Variants in HIPK2 observed in about 807,000 individuals in gnomAD.
HIPK2 encodes the protein homeodomain interacting protein kinase 2.
In HIPK2, 27 loss-of-function variants were observed where a neutral mutation model predicts 113.7. The observed-to-expected ratio is 0.24, with a 90% CI of 0.17 to 0.33. HIPK2 has a LOEUF of 0.33. Among genes scored for constraint, HIPK2 ranks in the 10% least tolerant of loss-of-function variants. The probability of loss-of-function intolerance (pLI) is 1.00; values close to 1 mark genes in which losing one functional copy is unlikely to be tolerated. For synonymous variants in HIPK2, 631 were observed against 642.2 expected (o/e 0.98, Z 0.26); for missense variants, 1,257 against 1,588.0 (o/e 0.79, Z 3.54).
chr7:139,715,088 T>C (rs1165984694), intron 2 of HIPK2, among the ~76,000 whole-genome samples: 1 of 152,176 alleles, frequency 6.6e-6, no homozygotes, highest in Non-Finnish European at 1.5e-5. Flanking sequence ...CAATCCTGAC[T>C]GCATACAGGG....
chr7:139,588,403 G>A (rs1213131037), intron 12 of HIPK2, among the ~76,000 whole-genome samples: 1 of 151,212 alleles, frequency 6.6e-6, no homozygotes, highest in African/African-American at 2.4e-5. Context: ...TGTAATCCTA[G>A]CTTCTTGGGA....
chr7:139,753,133 C>T (rs1385275519), intron 1 of HIPK2, among the ~76,000 whole-genome samples: 2 of 152,194 alleles, frequency 1.3e-5, no homozygotes, highest in Admixed American at 1.3e-4. Flanking sequence ...GGGCACAGGG[C>T]TTTGCACACA....
At chr7:139,656,161 C>T (rs1240723783) in intron 2 of HIPK2, among the ~76,000 whole-genome samples, 2 of 152,124 alleles carry the variant, frequency 1.3e-5, no homozygotes, top group African/African-American at 4.8e-5. Context: ...TGAACTCATT[C>T]ACTGCCAGGC....
intron 2 of HIPK2, among the ~76,000 whole-genome samples, chr7:139,659,181 T>C (rs1335061518): frequency 6.6e-6 from 1 of 152,202 alleles, no homozygotes; most frequent in Non-Finnish European, 1.5e-5. Flanking sequence ...TGCTTTTCTA[T>C]GCCGCTTGTG....
Position 139,587,397 on chromosome 7 carries a change from T to G in HIPK2, c.2718-3333A>C, listed in dbSNP as rs148872426. ...CCCAGCTACTCAGAGCCTGAGGCAGTAGAATCGCTTGAACCCAGGAGGTGG... is the reference window on the plus strand; with the variant it reads ...CCCAGCTACTCAGAGCCTGAGGCAGGAGAATCGCTTGAACCCAGGAGGTGG... On this transcript the variant is annotated intron_variant, in intron 12 of 14. Coordinates refer to ENST00000406875, the MANE Select transcript of HIPK2 (RefSeq NM_022740.5). Among the ~76,000 whole-genome samples the G allele has an allele frequency of 5.4e-3, 747 of 137,998 alleles. 7 individuals are homozygous for G. Among genetic ancestry groups the G allele is most frequent in the African/African-American group, 0.019 (700 of 36,252 alleles). The allele number at this position is 137,998 out of a possible 152,430, so 90.5% of individuals were successfully genotyped here.
chr7:139,601,864 AAAG>A (rs1470863884), intron 10 of HIPK2, among the ~76,000 whole-genome samples: 1 of 152,214 alleles, frequency 6.6e-6, no homozygotes, highest in Non-Finnish European at 1.5e-5. Context: ...GAACAGGAAA[AAAG>A]AAGTAGATGA....
At position 139,758,215 on chromosome 7, in the gene HIPK2, C is replaced by T. The variant is rs139415747; in HGVS notation, c.19+19390G>A. Among the ~76,000 whole-genome samples, 916 of 151,900 alleles carry T rather than the reference C, an allele frequency of 6.0e-3. 5 individuals are homozygous for T. Among genetic ancestry groups the T allele is most frequent in the Non-Finnish European group, 8.7e-3 (593 of 67,962 alleles). ...GGACAAGGCTGAAGGGGAAGAGCAACGAGGGAGAACTAGTCTTTTCAGATA... is the reference window on the plus strand; with the variant it reads ...GGACAAGGCTGAAGGGGAAGAGCAATGAGGGAGAACTAGTCTTTTCAGATA... On this transcript the variant is annotated intron_variant, in intron 1 of 14. Coordinates refer to ENST00000406875, the MANE Select transcript of HIPK2 (RefSeq NM_022740.5).
chr7:139,597,881 A>C (rs1160739852), intron 11 of HIPK2, among the ~76,000 whole-genome samples: 1 of 152,122 alleles, frequency 6.6e-6, no homozygotes. Context: ...AACATCTTTT[A>C]CCTGAAATGC....
chr7:139,668,256 T>C (rs751997830), intron 2 of HIPK2, among the ~76,000 whole-genome samples: 2 of 151,610 alleles, frequency 1.3e-5, no homozygotes, highest in East Asian at 2.0e-4. Context: ...TGTGAAATGC[T>C]ATTTTAAAAA....
At chr7:139,736,551 G>A (rs1795944992) in intron 1 of HIPK2, among the ~76,000 whole-genome samples, 1 of 152,196 alleles carries the variant, frequency 6.6e-6, no homozygotes, top group Admixed American at 6.5e-5. Flanking sequence ...CCCAGGGAGG[G>A]CATCTCCAAG....
chr7:139,596,975 G>A lies in HIPK2; in HGVS notation c.2459C>T (p.Ser820Phe), dbSNP rs1360926125. The A allele has an allele frequency of 1.9e-6, 3 of 1,599,780 alleles. No homozygotes were observed. Among genetic ancestry groups the A allele is most frequent in the African/African-American group, 1.3e-5 (1 of 74,762 alleles). The change falls in exon 12 of 15, where the codon TCC (serine) becomes TTC (phenylalanine). Residue 820 changes from serine to phenylalanine, a missense_variant. Ser to Phe is a radical substitution (Grantham distance 155). Coordinates refer to ENST00000406875, the MANE Select transcript of HIPK2 (RefSeq NM_022740.5). ...SVRNVSTCEV[S>F]SSQAISSPQR... ...TGGGGAGCTGATGGCCTGAGAGGAG[G>A]ACACCTCACAGGTGGAGACATTTCT... is the stretch of plus-strand genomic sequence containing the variant.
At chr7:139,638,230 G>T (rs1461265708) in intron 2 of HIPK2, among the ~76,000 whole-genome samples, 1 of 152,124 alleles carries the variant, frequency 6.6e-6, no homozygotes, top group Non-Finnish European at 1.5e-5. Flanking sequence ...CTTGCCTTTG[G>T]TTTTAACCTT....
At chr7:139,712,512 C>T (rs1299877864) in intron 2 of HIPK2, among the ~76,000 whole-genome samples, 1 of 152,200 alleles carries the variant, frequency 6.6e-6, no homozygotes, top group Non-Finnish European at 1.5e-5. Context: ...AGAAAGTCCC[C>T]ACCCACCACC....
intron 1 of HIPK2, among the ~76,000 whole-genome samples, chr7:139,730,586 C>T (rs1405266779): frequency 6.6e-6 from 1 of 152,154 alleles, no homozygotes; most frequent in Non-Finnish European, 1.5e-5. Context: ...GTCTCAAACT[C>T]CTGACCTCTG....
At chr7:139,591,890 A>G (rs1799037554) in intron 12 of HIPK2, among the ~76,000 whole-genome samples, 1 of 152,228 alleles carries the variant, frequency 6.6e-6, no homozygotes, top group South Asian at 2.1e-4. Context: ...TTCTCAACCA[A>G]TGGCAGGATG....
chr7:139,596,526 T>C (rs542521129), intron 12 of HIPK2, among the ~76,000 whole-genome samples, 191 bp downstream of exon 12: 4 of 152,334 alleles, frequency 2.6e-5, no homozygotes, highest in African/African-American at 9.6e-5. Flanking sequence ...ATTATTTTGG[T>C]TTTAAACAAT....
rs899098605 is a variant in HIPK2 at position 139,716,289 on chromosome 7, C to T, written c.746G>A (p.Arg249Gln). The change falls in exon 2 of 15, where the codon CGG becomes CAG. Residue 249 changes from arginine (R) to glutamine (Q), a missense_variant. Around this residue, in one of 5 missense-constraint regions of HIPK2, gnomAD observed 78 missense variants for 145.7 expected, o/e 0.54. Coordinates refer to ENST00000406875, the MANE Select transcript of HIPK2 (RefSeq NM_022740.5). This position sits in a 1 kb window ranked among gnomAD's most constrained non-coding sequence, Gnocchi z 9.3. ...QGQIEVSILA[R>Q]LSTESADDYN... ...GTCATCGGCACTCTCCGTGCTCAAC[C>T]GGGCCAGGATGCTCACTTCAATCTG... 6 of 1,614,076 alleles carry T rather than the reference C, an allele frequency of 3.7e-6. No homozygotes were observed. The highest frequency in any genetic ancestry group is 2.7e-5 in the African/African-American group (2 of 74,930).
intron 13 of HIPK2, among the ~76,000 whole-genome samples, chr7:139,579,661 G>A (rs370468707): frequency 6.7e-6 from 1 of 149,784 alleles, no homozygotes; most frequent in African/African-American, 2.6e-5. Flanking sequence ...GAAACCTGGG[G>A]ACAGAAGTTT....
chr7:139,576,636 G>T (rs150837220), intron 13 of HIPK2, among the ~76,000 whole-genome samples: 1 of 152,226 alleles, frequency 6.6e-6, no homozygotes, highest in Non-Finnish European at 1.5e-5. Flanking sequence ...CACCAGGGAC[G>T]GGGGTGGCAG....
Sources: allele counts gnomAD v4.1 joint callset (sites outside exome capture counted in the v4.1 genomes callset), GRCh38; gene constraint gnomAD v4.1.1; regional missense constraint gnomAD v4.1.1; non-coding constraint Gnocchi (gnomAD v3.1); transcripts MANE v1.5; gene names NCBI Gene and HGNC (gene_info 2026-07-23, HGNC 2026-07-21).